Variants in PDE4D observed in about 807,000 individuals in gnomAD.
The protein encoded by PDE4D is phosphodiesterase 4D.
PDE4D carries 24 observed loss-of-function variants against 87.4 expected under a neutral mutation model. That is an observed-to-expected ratio of 0.27 (90% CI 0.20 to 0.39). The LOEUF is 0.39. Ranked by LOEUF, PDE4D falls within the 10% of genes least tolerant of loss-of-function variation. PDE4D has a pLI of 1.00. For synonymous variants in PDE4D, 384 were observed against 383.2 expected (o/e 1.00, Z -0.02); for missense variants, 714 against 1,041.0 (o/e 0.69, Z 4.32).
intron 1 of PDE4D, among the ~76,000 whole-genome samples, chr5:59,643,503 A>G (rs2150203975): frequency 6.6e-6 from 1 of 152,328 alleles, no homozygotes; most frequent in African/African-American, 2.4e-5. Flanking sequence ...TAATTTTCTC[A>G]CAGATGTGTA....
At chr5:60,185,182 A>G (rs896566889) in intron 2 of PDE4D, among the ~76,000 whole-genome samples, 3 of 152,178 alleles carry the variant, frequency 2.0e-5, no homozygotes, top group Non-Finnish European at 2.9e-5. Context: ...AACTAATAAC[A>G]TAAGTATAAT....
chr5:59,374,385 C>G (rs1397631384), intron 1 of PDE4D, among the ~76,000 whole-genome samples: 1 of 152,050 alleles, frequency 6.6e-6, no homozygotes, highest in East Asian at 1.9e-4. Flanking sequence ...ATCCTAGTTT[C>G]TGACAAAAAA....
intron 2 of PDE4D, among the ~76,000 whole-genome samples, chr5:60,111,436 G>A (rs1302322402): frequency 1.3e-5 from 2 of 151,862 alleles, no homozygotes; most frequent in Non-Finnish European, 2.9e-5. Flanking sequence ...GAAAACAAAA[G>A]TATCATATAT....
chr5:59,821,366 A>C (rs1052698161), intron 1 of PDE4D, among the ~76,000 whole-genome samples: 4 of 152,232 alleles, frequency 2.6e-5, no homozygotes, highest in African/African-American at 9.6e-5. Context: ...GATGCCAAAA[A>C]AGGTAACTCC....
intron 1 of PDE4D, among the ~76,000 whole-genome samples, chr5:59,567,118 G>A (rs1395336): frequency 0.7 from 105,736 of 152,052 alleles, 36,924 homozygotes; most frequent in South Asian, 0.8. Context: ...GTTTTCCTTG[G>A]GACGTTCATT....
chr5:59,728,382 A>G (rs1756905626), intron 1 of PDE4D, among the ~76,000 whole-genome samples: 1 of 152,144 alleles, frequency 6.6e-6, no homozygotes, highest in South Asian at 2.1e-4. Context: ...ATCAAGTCAA[A>G]TCTTTGTATG....
intron 1 of PDE4D, among the ~76,000 whole-genome samples, chr5:60,390,791 C>A (rs1424355151): frequency 6.6e-6 from 1 of 152,148 alleles, no homozygotes; most frequent in African/African-American, 2.4e-5. Context: ...CATCTCCCAT[C>A]CCTCCCGTGC....
chr5:59,422,363 AC>A (rs1794612051), intron 1 of PDE4D, among the ~76,000 whole-genome samples: 1 of 152,160 alleles, frequency 6.6e-6, no homozygotes, highest in African/African-American at 2.4e-5. Flanking sequence ...GCAATATGAA[AC>A]ACAACATTAT....
chr5:59,745,041 A>C (rs1217230577), intron 1 of PDE4D, among the ~76,000 whole-genome samples: 1 of 152,210 alleles, frequency 6.6e-6, no homozygotes, highest in Non-Finnish European at 1.5e-5. Context: ...TGATTACCAA[A>C]CTGAATTTTG....
intron 1 of PDE4D, among the ~76,000 whole-genome samples, chr5:59,357,368 C>G (rs544209539): frequency 6.6e-6 from 1 of 152,210 alleles, no homozygotes; most frequent in Non-Finnish European, 1.5e-5. Flanking sequence ...TAACTGCCAA[C>G]TATAATTTTC....
intron 2 of PDE4D, among the ~76,000 whole-genome samples, chr5:60,076,240 G>T (rs866564554): frequency 1.3e-5 from 2 of 151,898 alleles, no homozygotes; most frequent in Middle Eastern, 6.8e-3. Context: ...CTCACTGCAA[G>T]CTCCGTCTCC....
In PDE4D at chr5:59,771,483, A is replaced by AG. The variant is rs1554081452; in HGVS notation, c.455+121684_455+121685insC. Among the ~76,000 whole-genome samples the AG allele has an allele frequency of 6.3e-4, 34 of 54,396 alleles. 2 individuals carry two copies. Among genetic ancestry groups the AG allele is most frequent in the Non-Finnish European group, 1.0e-3 (26 of 25,662 alleles). 35.7% of individuals were successfully genotyped at this position (54,396 alleles called of 152,430 possible). A position where few individuals can be genotyped will look rare whatever the true frequency, so the allele number is the denominator to read the frequency against. On this transcript the variant is annotated intron_variant, in intron 1 of 14. Transcript: ENST00000340635. ...AAAGAAAGAAAGAAAGAAAGAAAGA[A>AG]AGAGAGAGAGAGAGAGAAGAAAGAA... is the stretch of plus-strand genomic sequence containing the variant.
intron 2 of PDE4D, among the ~76,000 whole-genome samples, chr5:60,128,487 T>C (rs536027849): frequency 7.2e-5 from 11 of 152,268 alleles, no homozygotes; most frequent in African/African-American, 2.4e-4. Flanking sequence ...CATCTCTGGG[T>C]TCCCTATTCA....
chr5:60,001,881 A>AG (rs1364310312), intron 2 of PDE4D, among the ~76,000 whole-genome samples: 31 of 49,462 alleles, frequency 6.3e-4, no homozygotes, highest in Non-Finnish European at 3.7e-4. Flanking sequence ...GTAATTACAA[A>AG]GGAAAAAAAA....
intron 11 of PDE4D, among the ~76,000 whole-genome samples, chr5:58,985,596 G>T (rs1474776795): frequency 6.6e-6 from 1 of 152,096 alleles, no homozygotes; most frequent in African/African-American, 2.4e-5. Flanking sequence ...AACCAACTAT[G>T]GGTTTATAAA....
chr5:59,513,059 T>A (rs1057020310), intron 1 of PDE4D, among the ~76,000 whole-genome samples: 2 of 152,134 alleles, frequency 1.3e-5, no homozygotes, highest in African/African-American at 2.4e-5. Flanking sequence ...AAGGGCAAAA[T>A]ATTCATCTTA....
At chr5:60,061,997 T>C (rs1313311887) in intron 2 of PDE4D, among the ~76,000 whole-genome samples, 2 of 152,106 alleles carry the variant, frequency 1.3e-5, no homozygotes, top group South Asian at 2.1e-4. Flanking sequence ...ATTCACGACA[T>C]AGGCATGGGC....
At chr5:59,423,540 T>C (rs1321666592) in intron 1 of PDE4D, among the ~76,000 whole-genome samples, 3 of 152,134 alleles carry the variant, frequency 2.0e-5, no homozygotes, top group African/African-American at 7.2e-5. Context: ...AGATTTATTA[T>C]GATAGTGCAG....
intron 6 of PDE4D, among the ~76,000 whole-genome samples, chr5:59,009,783 C>A (rs1390606988): frequency 6.6e-6 from 1 of 152,124 alleles, no homozygotes; most frequent in Non-Finnish European, 1.5e-5. Context: ...AATTATACCT[C>A]AAAAATCTAA....
Sources: gnomAD v4.1 joint callset for allele counts (sites outside exome capture counted in the v4.1 genomes callset) on GRCh38, gnomAD v4.1.1 for gene constraint, MANE v1.5 for transcripts, NCBI Gene and HGNC (gene_info 2026-07-23, HGNC 2026-07-21) for gene names.